The following HSPG2 variants were observed in gnomAD, a reference collection of about 807,000 sequenced individuals.
HSPG2 encodes the protein heparan sulfate proteoglycan 2, also known as basement membrane-specific heparan sulfate proteoglycan core protein.
In HSPG2, 278 loss-of-function variants were observed where a neutral mutation model predicts 526.6. The observed-to-expected ratio is 0.53, with a 90% CI of 0.48 to 0.58. The LOEUF is 0.58. Ranked by LOEUF, HSPG2 falls within the 20% of genes least tolerant of loss-of-function variation. The pLI, the probability that HSPG2 is intolerant of heterozygous loss-of-function variation, is 0.00. For missense variants in HSPG2, 5,354 were observed against 6,099.5 expected (o/e 0.88, Z 4.07); for synonymous variants, 2,465 against 2,555.4 (o/e 0.96, Z 1.07).
Position 21,822,413 on chromosome 1 carries a change from C to T in HSPG2, c.*903G>A. On this transcript the variant is annotated 3_prime_UTR_variant, in exon 97 of 97. Transcript: ENST00000374695. ...GCAGATGGGGCAGGGTGGTCATATCCCCCTCCTCTCTCTCTCAGTCGTGAG... is the reference window on the plus strand; with the variant it reads ...GCAGATGGGGCAGGGTGGTCATATCTCCCTCCTCTCTCTCTCAGTCGTGAG... The T allele has an allele frequency of 1.6e-6, 1 of 607,186 alleles. No homozygotes were observed. The highest frequency in any genetic ancestry group is 3.0e-6 in the Non-Finnish European group (1 of 338,702). The allele number at this position is 607,186 out of a possible 1,614,324, so 37.6% of individuals were successfully genotyped here.
At chr1:21,936,576 T>C (rs1454119640) in intron 1 of HSPG2, among the ~76,000 whole-genome samples, 2 of 152,150 alleles carry the variant, frequency 1.3e-5, no homozygotes, top group Non-Finnish European at 2.9e-5. Flanking sequence ...AGTTACTCAG[T>C]GAAAGGCAGG....
intron 91 of HSPG2, among the ~76,000 whole-genome samples, chr1:21,825,743 TACA>T (rs2097971152): frequency 6.6e-6 from 1 of 152,182 alleles, no homozygotes; most frequent in African/African-American, 2.4e-5. Flanking sequence ...ACTCAATCCT[TACA>T]ACAACCCTAT....
chr1:21,848,665 C>T lies in HSPG2; in HGVS notation c.7715G>A (p.Gly2572Asp), dbSNP rs939107730. Residue 2572 changes from glycine to aspartate, a missense_variant, in exon 59 of 97, where the codon GGC becomes GAC. Coordinates refer to ENST00000374695, the MANE Select transcript of HSPG2 (RefSeq NM_005529.7). This position sits in a 1 kb window ranked among gnomAD's most constrained non-coding sequence, Gnocchi z 4.9. ...TACCTGGTGCCGGCTGGGTAAGCTGCCTCCACGCTTATACCAGGTGATGGT... is the reference window on the plus strand; with the variant it reads ...TACCTGGTGCCGGCTGGGTAAGCTGTCTCCACGCTTATACCAGGTGATGGT... ...PHTITWYKRG[G>D]SLPSRHQIVG... The T allele has an allele frequency of 5.6e-6, 9 of 1,613,386 alleles. No homozygotes were observed. The highest frequency in any genetic ancestry group is 7.6e-6 in the Non-Finnish European group (9 of 1,180,024).
At chr1:21,852,872 G>C in intron 51 of HSPG2, 40 bp from the exon 52 acceptor site, 2 of 1,611,608 alleles carry the variant, frequency 1.2e-6, no homozygotes, top group South Asian at 2.2e-5. Context: ...GGCTGGAACA[G>C]TCCCATCCAG....
In HSPG2 at chr1:21,895,336, T is replaced by C. The variant is rs554870370; in HGVS notation, c.244+586A>G. ...AGTCCCCATCCCAGTGCTGGGCCAG[T>C]CTGACCAGGGTGGGGGCTGACTCTC... is the stretch of plus-strand genomic sequence containing the variant. On this transcript the variant is annotated intron_variant, in intron 3 of 96. Transcript: ENST00000374695. The surrounding 1 kb of genome is among the most constrained non-coding windows in gnomAD (Gnocchi z 4.1). Among the ~76,000 whole-genome samples the C allele has an allele frequency of 6.6e-6, 1 of 152,218 alleles. No individual in the cohort carries two copies. Among genetic ancestry groups the C allele is most frequent in the African/African-American group, 2.4e-5 (1 of 41,540 alleles).
intron 76 of HSPG2, 174 bp from the exon 77 acceptor site, chr1:21,835,119 TTTA>T: frequency 1.3e-6 from 1 of 760,570 alleles, no homozygotes; most frequent in Non-Finnish European, 2.3e-6. Context: ...GTCTTATGCA[TTTA>T]CTCACTCACG....
At chr1:21,874,583 T>A (rs758506595) in intron 27 of HSPG2, 33 bp downstream of exon 27, 1 of 1,613,828 alleles carries the variant, frequency 6.2e-7, no homozygotes, top group East Asian at 2.2e-5. Flanking sequence ...GGCCACAGAT[T>A]GCTGGGGTGG....
intron 1 of HSPG2, among the ~76,000 whole-genome samples, chr1:21,932,475 T>G (rs1188013717): frequency 6.6e-6 from 1 of 152,226 alleles, no homozygotes. Flanking sequence ...AAGCACTTAC[T>G]ACCTGCCAGG....
intron 85 of HSPG2, chr1:21,830,391 A>C: frequency 2.2e-6 from 1 of 448,520 alleles, no homozygotes; most frequent in East Asian, 4.4e-5. Context: ...CCTGGGTAAT[A>C]AGATGGGACT....
At chr1:21,841,850 C>A in intron 69 of HSPG2, 152 bp downstream of exon 69, 1 of 1,289,632 alleles carries the variant, frequency 7.8e-7, no homozygotes, top group South Asian at 1.2e-5. Flanking sequence ...CTGGGTCCAG[C>A]GCTCTTGCCA....
intron 1 of HSPG2, among the ~76,000 whole-genome samples, chr1:21,899,531 G>A (rs1642975959): frequency 6.6e-6 from 1 of 152,150 alleles, no homozygotes; most frequent in African/African-American, 2.4e-5. Flanking sequence ...GCATGTGGCA[G>A]GGCTGAGATT....
Position 21,828,496 on chromosome 1 carries a change from G to T in HSPG2, c.12238-70C>A. 6.6e-7 allele frequency: 1 copy of T among 1,508,062 alleles called. No homozygotes were observed. The highest frequency in any genetic ancestry group is 9.1e-7 in the Non-Finnish European group (1 of 1,096,008). 93.4% of individuals were successfully genotyped at this position (1,508,062 alleles called of 1,614,324 possible). On this transcript the variant is annotated intron_variant, in intron 88 of 96. Transcript: ENST00000374695. This position sits in a 1 kb window ranked among gnomAD's most constrained non-coding sequence, Gnocchi z 6.0. ...AGAGACCCAGGTGTACCAGCAGGGA[G>T]AAGAATGCAGCAGAGGGGAGCTGGG...
chr1:21,860,110 A>G (rs1184339578), intron 40 of HSPG2, 67 bp downstream of exon 40: 63 of 1,605,572 alleles, frequency 3.9e-5, no homozygotes, highest in Non-Finnish European at 5.2e-5. Context: ...CAGACCCAGT[A>G]TCCCCCAAAT....
intron 47 of HSPG2, 140 bp downstream of exon 47, chr1:21,855,164 G>A: frequency 1.5e-6 from 2 of 1,370,736 alleles, no homozygotes; most frequent in Non-Finnish European, 2.0e-6. Context: ...CTGGGATGCA[G>A]GGGCAGGAGA....
At chr1:21,853,864 C>A in intron 50 of HSPG2, 1 of 382,570 alleles carries the variant, frequency 2.6e-6, no homozygotes, top group Non-Finnish European at 4.9e-6. Flanking sequence ...GAATCTGAGG[C>A]CCCAAAAGTT....
intron 14 of HSPG2, 98 bp from the exon 15 acceptor site, chr1:21,880,933 GCCTA>G: frequency 8.2e-7 from 1 of 1,221,864 alleles, no homozygotes; most frequent in Non-Finnish European, 1.2e-6. Context: ...CCCTCACTCT[GCCTA>G]CCTGAGACTT....
At chr1:21,827,970 T>C in intron 90 of HSPG2, 51 bp from the exon 91 acceptor site, 1 of 1,611,270 alleles carries the variant, frequency 6.2e-7, no homozygotes, top group Non-Finnish European at 8.5e-7. Context: ...CCGTGGGTAC[T>C]ATGTCGAGCT....
chr1:21,876,160 G>C (rs564795655), intron 23 of HSPG2, 69 bp downstream of exon 23: 1 of 1,561,454 alleles, frequency 6.4e-7, no homozygotes, highest in African/African-American at 1.4e-5. Flanking sequence ...CGACCCTCCC[G>C]CCTCCAAGCC....
intron 91 of HSPG2, 30 bp downstream of exon 91, chr1:21,827,833 G>A: frequency 1.3e-6 from 2 of 1,564,478 alleles, no homozygotes; most frequent in Non-Finnish European, 1.7e-6. Context: ...CTGAGCTGAA[G>A]CTGGGGAGGA....
Sources: gnomAD v4.1 joint callset for allele counts (sites outside exome capture counted in the v4.1 genomes callset) on GRCh38, gnomAD v4.1.1 for gene constraint, Gnocchi (gnomAD v3.1) non-coding constraint, MANE v1.5 for transcripts, NCBI Gene and HGNC (gene_info 2026-07-23, HGNC 2026-07-21) for gene names.